MAP4: variants seen among roughly 807,000 people sequenced by gnomAD.
MAP4 encodes microtubule-associated protein 4.
A neutral mutation model predicts 170.2 loss-of-function variants in MAP4; 76 were observed. The observed-to-expected ratio is 0.45, with a 90% CI of 0.37 to 0.54. The LOEUF is 0.54. Among genes scored for constraint, MAP4 ranks in the 20% least tolerant of loss-of-function variants. MAP4 has a pLI of 0.00. For missense variants in MAP4, 2,506 were observed against 2,748.0 expected (o/e 0.91, Z 1.97); for synonymous variants, 909 against 994.5 (o/e 0.91, Z 1.62).
intron 2 of MAP4, among the ~76,000 whole-genome samples, chr3:47,985,792 A>G (rs891185631): frequency 1.3e-5 from 2 of 152,230 alleles, no homozygotes; most frequent in East Asian, 1.9e-4. Flanking sequence ...TCCAGATTTA[A>G]TTGCAGACAA....
At chr3:47,893,132 T>A (rs2100024955) in intron 10 of MAP4, among the ~76,000 whole-genome samples, 1 of 152,000 alleles carries the variant, frequency 6.6e-6, no homozygotes, top group African/African-American at 2.4e-5. Context: ...CAAACTAACT[T>A]GAAAACTGAC....
upstream of MAP4, among the ~76,000 whole-genome samples, chr3:48,018,790 G>C (rs2100109116): frequency 6.6e-6 from 1 of 152,054 alleles, no homozygotes; most frequent in East Asian, 1.9e-4. Context: ...GTGACAGAGT[G>C]AGACTCTGTC....
chr3:48,072,531 C>CT (rs1195756424), intron 1 of MAP4, among the ~76,000 whole-genome samples: 4 of 152,110 alleles, frequency 2.6e-5, no homozygotes, highest in African/African-American at 9.6e-5. Flanking sequence ...CATGAAAAAA[C>CT]TATTTTTTTA....
chr3:47,857,031 G>A (rs564949479), intron 18 of MAP4, among the ~76,000 whole-genome samples: 1 of 152,360 alleles, frequency 6.6e-6, no homozygotes, highest in Non-Finnish European at 1.5e-5. Flanking sequence ...CTGGTTGGGA[G>A]CACCCTTTGC....
intron 1 of MAP4, among the ~76,000 whole-genome samples, chr3:48,008,709 G>A (rs972741103): frequency 2.0e-5 from 3 of 152,192 alleles, no homozygotes; most frequent in Non-Finnish European, 4.4e-5. Flanking sequence ...TAGTGGATAG[G>A]ATGACCCATT....
At chr3:48,050,508 G>A (rs1052258736) in intron 1 of MAP4, among the ~76,000 whole-genome samples, 1 of 151,260 alleles carries the variant, frequency 6.6e-6, no homozygotes, top group Non-Finnish European at 1.5e-5. Context: ...ATTAAACAAT[G>A]AGATACTATT....
chr3:47,918,416 G>C (rs2100040915), intron 6 of MAP4, among the ~76,000 whole-genome samples: 1 of 151,690 alleles, frequency 6.6e-6, no homozygotes, highest in Non-Finnish European at 1.5e-5. Flanking sequence ...CACCACACCA[G>C]GCCGTAAATC....
intron 10 of MAP4, among the ~76,000 whole-genome samples, chr3:47,899,595 G>T (rs1360553346): frequency 6.6e-6 from 1 of 152,186 alleles, no homozygotes; most frequent in Admixed American, 6.5e-5. Flanking sequence ...GGAGCTTCTA[G>T]AAGGTAGGAA....
intron 1 of MAP4, among the ~76,000 whole-genome samples, chr3:48,060,750 CA>C (rs879665851): frequency 3.8e-4 from 48 of 126,354 alleles, no homozygotes; most frequent in South Asian, 9.9e-4. Context: ...CCTGTCTCTA[CA>C]AAAAAAAAAA....
At chr3:48,002,120 T>C (rs1394376252) in intron 1 of MAP4, among the ~76,000 whole-genome samples, 1 of 151,674 alleles carries the variant, frequency 6.6e-6, no homozygotes, top group East Asian at 1.9e-4. Context: ...AGATTGTAAC[T>C]AGGAGTTCCA....
chr3:47,852,977 G>A (rs770028191), intron 20 of MAP4, 39 bp from the exon 21 acceptor site: 1 of 1,614,164 alleles, frequency 6.2e-7, no homozygotes, highest in Admixed American at 1.7e-5. Flanking sequence ...GAGGGGAACA[G>A]GGGAGACAAG....
chr3:47,910,970 CCACCTTAGGCTGAGT>C lies in MAP4; in HGVS notation c.3436_3450del (p.Thr1146_Val1150del), dbSNP rs768405751. The C allele has an allele frequency of 4.6e-6, 7 of 1,536,166 alleles. No individual in the cohort carries two copies. The African/African-American group carries it at 9.6e-5, about 21-fold the overall frequency. On this transcript the variant is annotated inframe_deletion, in exon 9 of 21. Coordinates refer to ENST00000683076, the MANE Select transcript of MAP4 (RefSeq NM_001385682.1). ...GGAATCAATGCCTGCATGGTGCCTGCCACCTTAGGCTGAGTCATCTCTTTAGGCTCCCCCATCACC... is the reference window on the plus strand; with the variant it reads ...GGAATCAATGCCTGCATGGTGCCTGCCATCTCTTTAGGCTCCCCCATCACC...
intron 1 of MAP4, among the ~76,000 whole-genome samples, chr3:48,052,562 T>A (rs924647359): frequency 2.0e-5 from 3 of 152,178 alleles, no homozygotes; most frequent in Non-Finnish European, 4.4e-5. Context: ...TGGTAATGGA[T>A]GCACAACTGT....
intron 1 of MAP4, among the ~76,000 whole-genome samples, chr3:48,056,193 A>G (rs62260845): frequency 0.85 from 73,282 of 85,822 alleles, 32,999 homozygotes; most frequent in Non-Finnish European, 0.99. Flanking sequence ...CCCGCCAGCC[A>G]TGCCGTCCGG....
Position 47,852,738 on chromosome 3 carries a change from G to A in MAP4, c.*196C>T, listed in dbSNP as rs1363491902. The A allele has an allele frequency of 2.0e-6, 3 of 1,532,880 alleles. No homozygotes were observed. Among genetic ancestry groups the A allele is most frequent in the South Asian group, 1.2e-5 (1 of 82,812 alleles). The allele number at this position is 1,532,880 out of a possible 1,614,324, so 95.0% of individuals were successfully genotyped here. A position where few individuals can be genotyped will look rare whatever the true frequency, so the allele number is the denominator to read the frequency against. On this transcript the variant is annotated 3_prime_UTR_variant, in exon 21 of 21. Coordinates refer to ENST00000683076, the MANE Select transcript of MAP4 (RefSeq NM_001385682.1). ...CTGCTGCCCCGGGCACGCAAAGCAG[G>A]AGGGAAGGCGAGCCTAGCGGGCTGC...
Position 47,871,050 on chromosome 3 carries a change from A to G in MAP4, c.6057T>C (p.Thr2019=). ...TSTSSMKKTT[T]LSGTAPAAGV... is the part of the protein sequence containing the mutation. ...CTGCAGCGGGGGCTGTCCCACTGAGAGTGGTGGTTTTCTTCATGGAACTGG... is the reference window on the plus strand; with the variant it reads ...CTGCAGCGGGGGCTGTCCCACTGAGGGTGGTGGTTTTCTTCATGGAACTGG... The change falls in exon 15 of 21, where the codon ACT becomes ACC. Residue 2019 remains threonine, a synonymous_variant. Transcript: ENST00000683076. 6.2e-7 allele frequency: 1 copy of G among 1,612,530 alleles called. No homozygotes were observed. Among genetic ancestry groups the G allele is most frequent in the South Asian group, 1.1e-5 (1 of 90,962 alleles).
intron 3 of MAP4, among the ~76,000 whole-genome samples, chr3:47,964,694 T>C (rs985399469): frequency 2.0e-5 from 3 of 152,210 alleles, no homozygotes; most frequent in Non-Finnish European, 4.4e-5. Flanking sequence ...CTGCTTAGCA[T>C]TTAAGCAATG....
At chr3:47,952,816 C>G (rs186881157) in intron 3 of MAP4, among the ~76,000 whole-genome samples, 1 of 151,674 alleles carries the variant, frequency 6.6e-6, no homozygotes, top group Non-Finnish European at 1.5e-5. Flanking sequence ...CCCAACTACT[C>G]GGGAGGCTGA....
chr3:48,052,531 A>C (rs546194794), intron 1 of MAP4, among the ~76,000 whole-genome samples: 1 of 152,316 alleles, frequency 6.6e-6, no homozygotes, highest in Admixed American at 6.5e-5. Context: ...CTGAGTAATG[A>C]AAATGTTCTA....
Sources: allele counts gnomAD v4.1 joint callset (sites outside exome capture counted in the v4.1 genomes callset), GRCh38; gene constraint gnomAD v4.1.1; transcripts MANE v1.5; gene names NCBI Gene and HGNC (gene_info 2026-07-23, HGNC 2026-07-21).